Variants in CACNA1S observed in about 807,000 individuals in gnomAD.
CACNA1S encodes the protein calcium voltage-gated channel subunit alpha1 S.
Under a neutral mutation model 207.4 loss-of-function variants are expected in CACNA1S, and 126 were observed. The observed-to-expected ratio is 0.61, with a 90% confidence interval of 0.53 to 0.70. The LOEUF (loss-of-function observed/expected upper bound fraction) is 0.70, where lower values mean the gene tolerates loss of function less well. CACNA1S is among the 30% of genes least tolerant of loss of function. CACNA1S has a pLI of 0.00. For missense variants in CACNA1S, 2,349 were observed against 2,422.8 expected (o/e 0.97, Z 0.64); for synonymous variants, 960 against 932.7 (o/e 1.03, Z -0.53).
chr1:201,061,600 C>A (rs2102575102), intron 24 of CACNA1S, 132 bp from the exon 25 acceptor site: 1 of 881,874 alleles, frequency 1.1e-6, no homozygotes, highest in Non-Finnish European at 1.7e-6. Context: ...AGTTACGGGA[C>A]AGGAGTTAGG....
In CACNA1S at chr1:201,066,196, C is replaced by CT. The variant is rs1231596793; in HGVS notation, c.2745+32dup. On this transcript the variant is annotated intron_variant, in intron 21 of 43. Transcript: ENST00000362061. This position sits in a 1 kb window ranked among gnomAD's most constrained non-coding sequence, Gnocchi z 4.3. Reference sequence around the variant, plus strand: ...GAGGCCCCTGTAACCCCTCCCATTCCTCTCTGGGGCTCCTGCCCGGGCCCT... The same window carrying CT: ...GAGGCCCCTGTAACCCCTCCCATTCCTTCTCTGGGGCTCCTGCCCGGGCCCT... 6.2e-7 allele frequency: 1 copy of CT among 1,602,194 alleles called. No homozygotes were observed. Among genetic ancestry groups the CT allele is most frequent in the Admixed American group, 1.7e-5 (1 of 60,008 alleles).
intron 1 of CACNA1S, 129 bp downstream of exon 1, chr1:201,112,059 G>A: frequency 1.2e-6 from 1 of 820,792 alleles, no homozygotes; most frequent in Non-Finnish European, 1.9e-6. Flanking sequence ...ACTCAATTCT[G>A]TGAGTTCACC....
At position 201,085,430 on chromosome 1, in the gene CACNA1S, C is replaced by T; in HGVS notation, c.1150+6G>A. ...TGAGTGCTGACCACAGCCTTTGGGC[C>T]CAAACCTTCTCTGAAGTCCTCAACA... On this transcript the variant is annotated splice_donor_region_variant and intron_variant, in intron 8 of 43. Transcript: ENST00000362061. The T allele has an allele frequency of 6.2e-7, 1 of 1,613,636 alleles. No homozygotes were observed. The highest frequency in any genetic ancestry group is 1.1e-5 in the South Asian group (1 of 91,054).
At chr1:201,105,084 GGGGT>G (rs1662827432) in intron 2 of CACNA1S, among the ~76,000 whole-genome samples, 1 of 152,250 alleles carries the variant, frequency 6.6e-6, no homozygotes, top group Non-Finnish European at 1.5e-5. Context: ...GGACTGGGGA[GGGGT>G]GATCAGGAAA....
In CACNA1S at chr1:201,040,706, G is replaced by C. The variant is rs1558048972; in HGVS notation, c.5142C>G (p.His1714Gln). Residue 1714 changes from histidine to glutamine, a missense_variant, in exon 42 of 44, where the codon CAC (histidine) becomes CAG (glutamine). Physicochemically the swap from His to Gln is conservative, Grantham distance 24. Coordinates refer to ENST00000362061, the MANE Select transcript of CACNA1S (RefSeq NM_000069.3). ...TCAGCATCTCCACACAGGGTTTGCT[G>C]TGGGGTCCTGTATGCAAGAAGGGGC... Reference protein sequence around the residue: ...LGQPCRVLGPHSKPCVEMLKG... With the variant: ...LGQPCRVLGPQSKPCVEMLKG... The C allele has an allele frequency of 6.2e-7, 1 of 1,613,846 alleles. No homozygotes were observed. The highest frequency in any genetic ancestry group is 8.5e-7 in the Non-Finnish European group (1 of 1,179,880).
In CACNA1S at chr1:201,053,619, G is replaced by A; in HGVS notation, c.3667-32C>T. On this transcript the variant is annotated intron_variant, in intron 29 of 43. Coordinates refer to ENST00000362061, the MANE Select transcript of CACNA1S (RefSeq NM_000069.3). The surrounding 1 kb of genome is among the most constrained non-coding windows in gnomAD (Gnocchi z 5.1). ...GGCAGCAGCCCCAGAGGTCAGTCTG[G>A]GGGCAGAACCTCAGAGGGGTAAGGG... 5.0e-6 allele frequency: 8 copies of A among 1,613,174 alleles called. No homozygotes were observed. Among genetic ancestry groups the A allele is most frequent in the Non-Finnish European group, 5.9e-6 (7 of 1,179,504 alleles).
intron 27 of CACNA1S, among the ~76,000 whole-genome samples, chr1:201,058,973 C>A (rs911848169): frequency 6.6e-6 from 1 of 152,208 alleles, no homozygotes; most frequent in African/African-American, 2.4e-5. Context: ...AAGGAAGAGG[C>A]GCCCAGAGTC....
At chr1:201,087,114 A>G (rs1192601441) in intron 7 of CACNA1S, among the ~76,000 whole-genome samples, 3 of 152,206 alleles carry the variant, frequency 2.0e-5, no homozygotes, top group Non-Finnish European at 2.9e-5. Context: ...GGATGACAGC[A>G]GGACTGGTCT....
intron 42 of CACNA1S, 107 bp downstream of exon 42, chr1:201,040,515 T>C (rs1660122582): frequency 7.1e-7 from 1 of 1,399,114 alleles, no homozygotes; most frequent in Non-Finnish European, 1.0e-6. Flanking sequence ...TTCTGTACTG[T>C]TGGACACATT....
chr1:201,087,784 C>T, intron 7 of CACNA1S, 42 bp downstream of exon 7: 1 of 1,349,510 alleles, frequency 7.4e-7, no homozygotes, highest in African/African-American at 1.4e-5. Flanking sequence ...CTCCCCTCCT[C>T]CTCTTTCTCT....
In CACNA1S at chr1:201,066,114, C is replaced by T. The variant is rs951490453; in HGVS notation, c.2745+115G>A. 6.4e-6 allele frequency: 7 copies of T among 1,085,398 alleles called. No homozygotes were observed. The highest frequency in any genetic ancestry group is 1.3e-5 in the South Asian group (1 of 78,352). 67.2% of individuals were successfully genotyped at this position (1,085,398 alleles called of 1,614,324 possible). A position where few individuals can be genotyped will look rare whatever the true frequency, so the allele number is the denominator to read the frequency against. ...CCAGCCTCATCCTTACCCCTATCTG[C>T]CCAGGGAGATGGGACAGGGGTCCCA... On this transcript the variant is annotated intron_variant, in intron 21 of 43. Transcript: ENST00000362061. The surrounding 1 kb of genome is among the most constrained non-coding windows in gnomAD (Gnocchi z 4.3).
intron 2 of CACNA1S, among the ~76,000 whole-genome samples, chr1:201,105,879 A>C (rs565097093): frequency 7.9e-5 from 12 of 152,294 alleles, no homozygotes; most frequent in African/African-American, 2.9e-4. Flanking sequence ...CTGCTCGCAC[A>C]CACGGCAACT....
intron 28 of CACNA1S, among the ~76,000 whole-genome samples, chr1:201,057,168 C>A (rs966451761): frequency 2.0e-5 from 3 of 152,238 alleles, no homozygotes; most frequent in African/African-American, 7.2e-5. Flanking sequence ...CCTTCAAGGG[C>A]CTAGATGATC....
chr1:201,080,299 T>C (rs1313963132), intron 10 of CACNA1S, among the ~76,000 whole-genome samples: 1 of 152,062 alleles, frequency 6.6e-6, no homozygotes, highest in Non-Finnish European at 1.5e-5. Context: ...CTACCCCAAA[T>C]ACTTGGTCAT....
At chr1:201,063,131 C>CA (rs1553250198) in intron 22 of CACNA1S, among the ~76,000 whole-genome samples, 1 of 115,532 alleles carries the variant, frequency 8.7e-6, no homozygotes, top group African/African-American at 2.8e-5. Flanking sequence ...GCAGTTAATC[C>CA]TTTTTTTTTT....
chr1:201,083,405 G>A (rs1661914910), intron 9 of CACNA1S, 83 bp from the exon 10 acceptor site: 3 of 1,453,290 alleles, frequency 2.1e-6, no homozygotes, highest in Non-Finnish European at 9.7e-7. Context: ...ACAAACTCCA[G>A]GCATGCGTAG....
chr1:201,061,663 G>T (rs1177712896), intron 24 of CACNA1S, among the ~76,000 whole-genome samples, 195 bp from the exon 25 acceptor site: 1 of 152,226 alleles, frequency 6.6e-6, no homozygotes, highest in Non-Finnish European at 1.5e-5. Flanking sequence ...CCTTTCAAGA[G>T]GTTGCCCCAT....
chr1:201,077,870 G>A lies in CACNA1S; in HGVS notation c.1619+9C>T, dbSNP rs372942667. 21 of 1,607,996 alleles carry A rather than the reference G, an allele frequency of 1.3e-5. No homozygotes were observed. The African/African-American group carries it at 2.0e-4, about 15-fold the overall frequency. The stretch of plus-strand genomic sequence containing the variant: ...GGACCCGGGAGTGCCAGCCGACCCC[G>A]GCACTCACTTGGTGATCTTGAAGAT... On this transcript the variant is annotated intron_variant, in intron 11 of 43. Coordinates refer to ENST00000362061, the MANE Select transcript of CACNA1S (RefSeq NM_000069.3).
chr1:201,046,445 C>T lies in CACNA1S; in HGVS notation c.4668+670G>A, dbSNP rs139747634. On this transcript the variant is annotated intron_variant, in intron 38 of 43. Transcript: ENST00000362061. ...ATCCGCCCTTCTTGGCCTCCCAAAG[C>T]GCTGGGATTACAGGTGTGAGCCACC... 3.3e-3 allele frequency among the ~76,000 whole-genome samples: 493 copies of T among 151,452 alleles called. 3 individuals are homozygous for T. Among genetic ancestry groups the T allele is most frequent in the African/African-American group, 0.011 (453 of 41,294 alleles).
Sources: allele counts gnomAD v4.1 joint callset (sites outside exome capture counted in the v4.1 genomes callset), GRCh38; gene constraint gnomAD v4.1.1; non-coding constraint Gnocchi (gnomAD v3.1); transcripts MANE v1.5; gene names NCBI Gene and HGNC (gene_info 2026-07-23, HGNC 2026-07-21).